Variants in DRC11 observed in about 807,000 individuals in gnomAD.
DRC11 encodes dynein regulatory complex subunit 11.
chr2:236,502,071 CAACA>C, the DRC11 span, among the ~76,000 whole-genome samples: 1 of 151,928 alleles, frequency 6.6e-6, no homozygotes, highest in Non-Finnish European at 1.5e-5. Flanking sequence ...CCCCACACAC[CAACA>C]AAAAAAGAAT....
At chr2:236,496,903 C>T in the DRC11 span, among the ~76,000 whole-genome samples, 1 of 152,166 alleles carries the variant, frequency 6.6e-6, no homozygotes, top group African/African-American at 2.4e-5. This position sits in a 1 kb window ranked among gnomAD's most constrained non-coding sequence, Gnocchi z 6.3. Context: ...TGGGCAGACA[C>T]TACGATGTCA....
the DRC11 span, among the ~76,000 whole-genome samples, chr2:236,326,791 G>A: frequency 7.8e-6 from 1 of 127,642 alleles, no homozygotes; most frequent in Non-Finnish European, 1.6e-5. Context: ...TTTCAGATTT[G>A]TTGTGTGTGT....
At chr2:236,310,052 G>T in the DRC11 span, among the ~76,000 whole-genome samples, 3 of 152,178 alleles carry the variant, frequency 2.0e-5, no homozygotes, top group East Asian at 5.8e-4. This position sits in a 1 kb window ranked among gnomAD's most constrained non-coding sequence, Gnocchi z 5.5. Context: ...GGAGAGGCTG[G>T]GTCCACCTTC....
At chr2:236,374,508 C>T in the DRC11 span, among the ~76,000 whole-genome samples, 2 of 152,096 alleles carry the variant, frequency 1.3e-5, no homozygotes, top group African/African-American at 2.4e-5. Flanking sequence ...AATTGGCTCA[C>T]GGTTCCGCAG....
the DRC11 span, among the ~76,000 whole-genome samples, chr2:236,491,152 ACACACAG>A: frequency 2.8e-3 from 202 of 71,570 alleles, 15 homozygotes; most frequent in Admixed American, 6.9e-3. Context: ...GTATATATAT[ACACACAG>A]TATATATATA....
the DRC11 span, among the ~76,000 whole-genome samples, chr2:236,319,665 A>G: frequency 2.6e-5 from 4 of 152,092 alleles, no homozygotes; most frequent in African/African-American, 7.2e-5. This position sits in a 1 kb window ranked among gnomAD's most constrained non-coding sequence, Gnocchi z 6.7. Flanking sequence ...CACTTACTGA[A>G]TATCTATAAA....
the DRC11 span, among the ~76,000 whole-genome samples, chr2:236,393,498 G>A: frequency 6.6e-6 from 1 of 152,208 alleles, no homozygotes; most frequent in African/African-American, 2.4e-5. This position sits in a 1 kb window ranked among gnomAD's most constrained non-coding sequence, Gnocchi z 4.7. Context: ...GTCACAGACA[G>A]AAGCACAAAT....
At chr2:236,321,856 G>A in the DRC11 span, among the ~76,000 whole-genome samples, 1 of 152,164 alleles carries the variant, frequency 6.6e-6, no homozygotes, top group Admixed American at 6.5e-5. Flanking sequence ...AGGGTGGGGG[G>A]GAAGTCTCTT....
chr2:236,362,920 T>C, the DRC11 span, among the ~76,000 whole-genome samples: 1 of 152,186 alleles, frequency 6.6e-6, no homozygotes, highest in Admixed American at 6.5e-5. This position sits in a 1 kb window ranked among gnomAD's most constrained non-coding sequence, Gnocchi z 5.7. Flanking sequence ...CCTAGTTTTT[T>C]GGTGTATTAG....
the DRC11 span, among the ~76,000 whole-genome samples, chr2:236,351,851 T>A: frequency 6.6e-6 from 1 of 151,476 alleles, no homozygotes; most frequent in African/African-American, 2.4e-5. This position sits in a 1 kb window ranked among gnomAD's most constrained non-coding sequence, Gnocchi z 7.3. Context: ...CGATGCTAGA[T>A]GCCCAGTGGA....
chr2:236,418,915 A>C, the DRC11 span, among the ~76,000 whole-genome samples: 1 of 152,242 alleles, frequency 6.6e-6, no homozygotes, highest in Non-Finnish European at 1.5e-5. Flanking sequence ...GAGGTATCTG[A>C]GTTGTTGAAA....
chr2:236,309,788 C>T, the DRC11 span, among the ~76,000 whole-genome samples: 1 of 149,048 alleles, frequency 6.7e-6, no homozygotes, highest in Non-Finnish European at 1.5e-5. The surrounding 1 kb of genome is among the most constrained non-coding windows in gnomAD (Gnocchi z 5.7). Flanking sequence ...TTCAACTGGA[C>T]CCCGGGCAGG....
chr2:236,451,816 G>C, the DRC11 span, among the ~76,000 whole-genome samples: 4 of 152,214 alleles, frequency 2.6e-5, no homozygotes, highest in East Asian at 3.8e-4. Flanking sequence ...CCATTGATTA[G>C]TTAGCTGTGC....
At chr2:236,399,246 T>C in the DRC11 span, among the ~76,000 whole-genome samples, 1 of 152,174 alleles carries the variant, frequency 6.6e-6, no homozygotes, top group Non-Finnish European at 1.5e-5. This position sits in a 1 kb window ranked among gnomAD's most constrained non-coding sequence, Gnocchi z 7.0. Context: ...CACCTCGGCC[T>C]CCCAAAGTGC....
chr2:236,448,841 G>C, the DRC11 span, among the ~76,000 whole-genome samples: 4 of 152,030 alleles, frequency 2.6e-5, no homozygotes, highest in African/African-American at 9.7e-5. The surrounding 1 kb of genome is among the most constrained non-coding windows in gnomAD (Gnocchi z 5.3). Flanking sequence ...AAGAATGACA[G>C]AGGGCGCTGT....
At chr2:236,461,483 G>A in the DRC11 span, among the ~76,000 whole-genome samples, 1 of 152,192 alleles carries the variant, frequency 6.6e-6, no homozygotes, top group Admixed American at 6.5e-5. The surrounding 1 kb of genome is among the most constrained non-coding windows in gnomAD (Gnocchi z 4.0). Flanking sequence ...TTATGTAATT[G>A]AATAAGAATG....
the DRC11 span, among the ~76,000 whole-genome samples, chr2:236,491,159 GTATA>G: frequency 0.011 from 432 of 40,278 alleles, 26 homozygotes; most frequent in African/African-American, 0.037. Flanking sequence ...TATACACACA[GTATA>G]TATATATATA....
At chr2:236,426,737 CAG>C in the DRC11 span, among the ~76,000 whole-genome samples, 1 of 152,096 alleles carries the variant, frequency 6.6e-6, no homozygotes. This position sits in a 1 kb window ranked among gnomAD's most constrained non-coding sequence, Gnocchi z 4.1. Flanking sequence ...AGATCAAAGA[CAG>C]GAAATTTCAC....
the DRC11 span, among the ~76,000 whole-genome samples, chr2:236,327,842 C>A: frequency 6.6e-6 from 1 of 151,876 alleles, no homozygotes; most frequent in East Asian, 2.0e-4. Flanking sequence ...GCCACCACGT[C>A]CAGCTAATTT....
Sources: gnomAD v4.1 joint callset for allele counts (sites outside exome capture counted in the v4.1 genomes callset) on GRCh38, gnomAD v4.1.1 for gene constraint, Gnocchi (gnomAD v3.1) non-coding constraint, MANE v1.5 for transcripts, NCBI Gene and HGNC (gene_info 2026-07-23, HGNC 2026-07-21) for gene names.